GALNTL6: variants seen among roughly 807,000 people sequenced by gnomAD.
GALNTL6 encodes the protein polypeptide N-acetylgalactosaminyltransferase like 6.
In GALNTL6, 46 loss-of-function variants were observed where a neutral mutation model predicts 73.7. The observed-to-expected ratio is 0.62, with a 90% CI of 0.49 to 0.80. GALNTL6 has a LOEUF of 0.80. Ranked by LOEUF, GALNTL6 falls within the 30% of genes least tolerant of loss-of-function variation. The pLI is 0.00. For synonymous variants in GALNTL6, 259 were observed against 263.7 expected (o/e 0.98, Z 0.17); for missense variants, 604 against 755.0 (o/e 0.80, Z 2.34).
intron 5 of GALNTL6, among the ~76,000 whole-genome samples, chr4:172,565,031 A>G (rs1034482185): frequency 2.6e-5 from 4 of 152,202 alleles, no homozygotes; most frequent in African/African-American, 7.2e-5. Flanking sequence ...CAGCAGATTC[A>G]GTGTCTGGAG....
intron 2 of GALNTL6, among the ~76,000 whole-genome samples, chr4:171,993,332 G>A (rs1669167308): frequency 6.6e-6 from 1 of 151,432 alleles, no homozygotes; most frequent in Admixed American, 6.8e-5. Context: ...TATTTTTTCT[G>A]TGGATGAAGA....
intron 2 of GALNTL6, among the ~76,000 whole-genome samples, chr4:172,126,741 A>G (rs1733306531): frequency 6.6e-6 from 1 of 152,146 alleles, no homozygotes. Context: ...GTTTCACACA[A>G]TCTCAGCCCA....
intron 7 of GALNTL6, among the ~76,000 whole-genome samples, chr4:172,875,732 A>AAAACACAC (rs371213294): frequency 1.4e-5 from 2 of 145,718 alleles, no homozygotes; most frequent in African/African-American, 5.1e-5. Flanking sequence ...CTCATACATA[A>AAAACACAC]ACACACACAC....
intron 3 of GALNTL6, among the ~76,000 whole-genome samples, chr4:172,295,423 G>GAA (rs11406771): frequency 7.9e-4 from 114 of 144,552 alleles, no homozygotes; most frequent in Middle Eastern, 3.6e-3. Flanking sequence ...CTCCATTTAA[G>GAA]AAAAAAAAAA....
At chr4:172,183,691 C>G (rs1735329276) in intron 2 of GALNTL6, among the ~76,000 whole-genome samples, 1 of 151,974 alleles carries the variant, frequency 6.6e-6, no homozygotes, top group South Asian at 2.1e-4. Flanking sequence ...ATTCCTCTTA[C>G]AAGGAATAAA....
At chr4:171,930,670 A>C (rs921250649) in intron 2 of GALNTL6, among the ~76,000 whole-genome samples, 1 of 152,018 alleles carries the variant, frequency 6.6e-6, no homozygotes, top group Non-Finnish European at 1.5e-5. Context: ...CCCCATCTCT[A>C]CTAAAAAATA....
At chr4:172,965,247 C>T (rs1262787303) in intron 10 of GALNTL6, among the ~76,000 whole-genome samples, 1 of 152,134 alleles carries the variant, frequency 6.6e-6, no homozygotes, top group Non-Finnish European at 1.5e-5. Context: ...TCTGAGTTTT[C>T]AACATTGAGA....
intron 2 of GALNTL6, among the ~76,000 whole-genome samples, chr4:171,957,643 G>T (rs555744969): frequency 1.8e-4 from 27 of 152,108 alleles, no homozygotes; most frequent in Non-Finnish European, 4.0e-4. Flanking sequence ...TATTAATTAG[G>T]AATTCTAACT....
At chr4:172,806,295 T>C (rs1740953646) in intron 5 of GALNTL6, among the ~76,000 whole-genome samples, 1 of 152,128 alleles carries the variant, frequency 6.6e-6, no homozygotes, top group South Asian at 2.1e-4. Flanking sequence ...TATTGAAGGG[T>C]CAAACCCCTT....
At chr4:172,907,085 A>G (rs1746937574) in intron 8 of GALNTL6, among the ~76,000 whole-genome samples, 1 of 152,020 alleles carries the variant, frequency 6.6e-6, no homozygotes, top group African/African-American at 2.4e-5. Context: ...TGTCAACCAC[A>G]CTGACCAATG....
intron 5 of GALNTL6, among the ~76,000 whole-genome samples, chr4:172,458,294 C>A (rs1273919797): frequency 6.6e-6 from 1 of 151,492 alleles, no homozygotes; most frequent in East Asian, 2.0e-4. Context: ...GACATTTCAA[C>A]ATCACAATTA....
intron 2 of GALNTL6, among the ~76,000 whole-genome samples, chr4:172,157,722 T>C (rs1267120343): frequency 2.0e-5 from 3 of 152,222 alleles, no homozygotes; most frequent in Non-Finnish European, 4.4e-5. Context: ...GTTTGATTTT[T>C]AGTACGAAGA....
chr4:172,207,376 C>A (rs186754483), intron 2 of GALNTL6, among the ~76,000 whole-genome samples: 1 of 152,016 alleles, frequency 6.6e-6, no homozygotes, highest in Admixed American at 6.6e-5. Context: ...TTGGAATTGC[C>A]AGGAGAGAGA....
intron 5 of GALNTL6, among the ~76,000 whole-genome samples, chr4:172,752,129 T>C (rs1384443619): frequency 6.6e-6 from 1 of 151,628 alleles, no homozygotes; most frequent in Non-Finnish European, 1.5e-5. Flanking sequence ...TTGTGAATGG[T>C]ACAAATAATA....
At position 172,141,881 on chromosome 4, in the gene GALNTL6, A is replaced by AC. The variant is rs1491487261; in HGVS notation, c.139-87775_139-87774insC. On this transcript the variant is annotated intron_variant, in intron 2 of 12. Transcript: ENST00000506823. Reference sequence around the variant, plus strand: ...TAGGACTAATGACAAGAACACACACAAACACACACACACACACACACACAC... The same window carrying AC: ...TAGGACTAATGACAAGAACACACACACAACACACACACACACACACACACAC... 1.5e-3 allele frequency among the ~76,000 whole-genome samples: 168 copies of AC among 108,630 alleles called. 1 individual carries two copies. The highest frequency in any genetic ancestry group is 6.0e-3 in the African/African-American group (163 of 27,314). The allele number at this position is 108,630 out of a possible 152,430, so 71.3% of individuals were successfully genotyped here. A position where few individuals can be genotyped will look rare whatever the true frequency, so the allele number is the denominator to read the frequency against.
At chr4:172,419,420 T>C (rs1026516645) in intron 5 of GALNTL6, among the ~76,000 whole-genome samples, 2 of 152,210 alleles carry the variant, frequency 1.3e-5, no homozygotes, top group African/African-American at 4.8e-5. Flanking sequence ...ATTATTTTAG[T>C]TATAATTTAT....
At chr4:172,873,535 T>G (rs568539483) in intron 7 of GALNTL6, among the ~76,000 whole-genome samples, 4 of 152,308 alleles carry the variant, frequency 2.6e-5, no homozygotes, top group Admixed American at 2.0e-4. Flanking sequence ...GTTTAAGATC[T>G]TGTGAACATG....
At chr4:172,277,224 C>T (rs1030098804) in intron 3 of GALNTL6, among the ~76,000 whole-genome samples, 8 of 151,792 alleles carry the variant, frequency 5.3e-5, no homozygotes, top group South Asian at 2.1e-4. Flanking sequence ...GGAAGAAGAA[C>T]GTGGATTCAT....
chr4:172,964,983 A>G (rs1750259003), intron 10 of GALNTL6, among the ~76,000 whole-genome samples: 1 of 152,230 alleles, frequency 6.6e-6, no homozygotes, highest in African/African-American at 2.4e-5. Flanking sequence ...TTTCCCTGGC[A>G]ACTACGCGGC....
Sources: gnomAD v4.1 joint callset for allele counts (sites outside exome capture counted in the v4.1 genomes callset) on GRCh38, gnomAD v4.1.1 for gene constraint, MANE v1.5 for transcripts, NCBI Gene and HGNC (gene_info 2026-07-23, HGNC 2026-07-21) for gene names.